Variants in NFRKB observed in about 807,000 individuals in gnomAD.
The protein encoded by NFRKB is nuclear factor related to kappa-B-binding protein.
Under a neutral mutation model 135.7 loss-of-function variants are expected in NFRKB, and 62 were observed. That is an observed-to-expected ratio of 0.46 (90% confidence interval 0.37 to 0.56). NFRKB has a LOEUF of 0.56. Among genes scored for constraint, NFRKB ranks in the 20% least tolerant of loss-of-function variants. The pLI, the probability that NFRKB is intolerant of heterozygous loss-of-function variation, is 0.00. For synonymous variants in NFRKB, 678 were observed against 635.6 expected, an observed-to-expected ratio of 1.07 and a Z score of -1.00; for missense variants, 1,545 against 1,662.0, an observed-to-expected ratio of 0.93 and a Z score of 1.22.
chr11:129,889,704 GCTCAC>G (rs1949449478), intron 3 of NFRKB, among the ~76,000 whole-genome samples: 2 of 151,396 alleles, frequency 1.3e-5, no homozygotes, highest in African/African-American at 4.8e-5. Context: ...GTCAGAGAAT[GCTCAC>G]CAAAAAACGG....
intron 24 of NFRKB, among the ~76,000 whole-genome samples, chr11:129,868,010 C>CT (rs1332970357): frequency 0.011 from 1,607 of 148,302 alleles, 19 homozygotes; most frequent in African/African-American, 0.036. Flanking sequence ...AACAATTATA[C>CT]TTTTTTTTTT....
chr11:129,881,933 A>C, intron 11 of NFRKB, 80 bp from the exon 12 acceptor site: 1 of 1,530,622 alleles, frequency 6.5e-7, no homozygotes, highest in Non-Finnish European at 8.8e-7. Context: ...CACAACCTGC[A>C]GTATATGCAT....
rs545831875 is a variant in NFRKB at position 129,877,822 on chromosome 11, G to A, written c.1512-437C>T. ...GCAAAAGTTCTGCCACACTTAGACC[G>A]GGCCTCTGTCCTGGTGTCAGAAAAC... On this transcript the variant is annotated intron_variant, in intron 15 of 26. Coordinates refer to ENST00000682444, the MANE Select transcript of NFRKB (RefSeq NM_001143835.2). Among the ~76,000 whole-genome samples, 8 of 152,240 alleles carry A rather than the reference G, an allele frequency of 5.3e-5. No individual in the cohort carries two copies. In the East Asian group the frequency reaches 7.7e-4, roughly 15 times the overall value.
At position 129,882,272 on chromosome 11, in the gene NFRKB, T is replaced by C. The variant is rs2135663597; in HGVS notation, c.1083-78A>G. The stretch of plus-strand genomic sequence containing the variant: ...GATTGATTCAGGCGCCCAAGCCTCC[T>C]AGCAGTCATAAAAGAGTTCAAGAAA... On this transcript the variant is annotated intron_variant, in intron 10 of 26. Coordinates refer to ENST00000682444, the MANE Select transcript of NFRKB (RefSeq NM_001143835.2). 4 of 1,391,070 alleles carry C rather than the reference T, an allele frequency of 2.9e-6. No individual in the cohort carries two copies. In the East Asian group the frequency reaches 9.1e-5, roughly 32 times the overall value. The allele number at this position is 1,391,070 out of a possible 1,614,324, so 86.2% of individuals were successfully genotyped here.
chr11:129,865,849 G>GGTT (rs1948164183), intron 25 of NFRKB, 28 bp downstream of exon 25: 2 of 1,606,898 alleles, frequency 1.2e-6, no homozygotes, highest in Non-Finnish European at 1.7e-6. Context: ...CCCCCGAATT[G>GGTT]GTTCCTTTAC....
Position 129,870,275 on chromosome 11 carries a change from A to C in NFRKB, c.2764-14T>G, listed in dbSNP as rs1948438941. On this transcript the variant is annotated splice_polypyrimidine_tract_variant and intron_variant, in intron 23 of 26. Transcript: ENST00000682444. ...AGTGATTGCCACCTGAATGGGGAGAAGCAGCACTGATGAGGGATTCACAAT... is the reference window on the plus strand; with the variant it reads ...AGTGATTGCCACCTGAATGGGGAGACGCAGCACTGATGAGGGATTCACAAT... The C allele has an allele frequency of 1.2e-6, 2 of 1,607,846 alleles. No individual in the cohort carries two copies. Among genetic ancestry groups the C allele is most frequent in the African/African-American group, 2.7e-5 (2 of 74,868 alleles).
chr11:129,876,639 G>A, intron 17 of NFRKB, 82 bp downstream of exon 17: 2 of 1,228,858 alleles, frequency 1.6e-6, no homozygotes, highest in Non-Finnish European at 1.1e-6. Context: ...GAGGGGTAAG[G>A]AGAGGACAGA....
chr11:129,887,474 C>T (rs992417266), intron 4 of NFRKB, among the ~76,000 whole-genome samples: 1 of 152,174 alleles, frequency 6.6e-6, no homozygotes, highest in African/African-American at 2.4e-5. Context: ...TGGGAAAGAC[C>T]ACATTTCCTA....
intron 5 of NFRKB, 94 bp downstream of exon 5, chr11:129,886,223 G>A (rs574650058): frequency 3.9e-5 from 56 of 1,425,792 alleles, no homozygotes; most frequent in African/African-American, 5.7e-5. Context: ...TTTTTTCTTC[G>A]TGGCAATTTT....
chr11:129,875,351 TCCTA>T lies in NFRKB; in HGVS notation c.1854+2_1854+5del. Reference sequence around the variant, plus strand: ...CAAAGCAAAAGTAATCTCTTCTCCGTCCTACCTGAGTGCTGGTGACATCTGGTGC... The same window carrying T: ...CAAAGCAAAAGTAATCTCTTCTCCGTCCTGAGTGCTGGTGACATCTGGTGC... On this transcript the variant is annotated splice_donor_variant and splice_donor_5th_base_variant and intron_variant, in intron 18 of 26. Transcript: ENST00000682444. LOFTEE classifies it high-confidence loss of function. 1.2e-6 allele frequency: 2 copies of T among 1,605,170 alleles called. No individual in the cohort carries two copies. The highest frequency in any genetic ancestry group is 8.5e-7 in the Non-Finnish European group (1 of 1,173,892).
At chr11:129,888,547 G>A in intron 4 of NFRKB, 47 bp downstream of exon 4, 1 of 1,514,072 alleles carries the variant, frequency 6.6e-7, no homozygotes, top group Non-Finnish European at 9.2e-7. Context: ...AAGTGAACGT[G>A]TGCCCATCCA....
rs1949236243 is a variant in NFRKB at position 129,885,573 on chromosome 11, G to A, written c.502C>T (p.Leu168Phe). 1.2e-6 allele frequency: 2 copies of A among 1,613,410 alleles called. No homozygotes were observed. The highest frequency in any genetic ancestry group is 1.7e-5 in the Admixed American group (1 of 59,980). The change falls in exon 6 of 27, where the codon CTT (leucine) becomes TTT (phenylalanine). Residue 168 changes from leucine to phenylalanine, a missense_variant. This residue lies in a region of NFRKB where 678 missense variants were observed against 646.7 expected (regional missense o/e 1.05). Coordinates refer to ENST00000682444, the MANE Select transcript of NFRKB (RefSeq NM_001143835.2). ...LEMARRSGPA[L>F]PFRQKRPSPS... ...GAAGGGCGTTTCTGCCGGAAGGGAAGGGCGGGGCCACTCCGCCGGGCCATC... is the reference window on the plus strand; with the variant it reads ...GAAGGGCGTTTCTGCCGGAAGGGAAAGGCGGGGCCACTCCGCCGGGCCATC...
At chr11:129,882,667 A>G (rs1338446143) in intron 9 of NFRKB, 36 bp from the exon 10 acceptor site, 4 of 1,597,900 alleles carry the variant, frequency 2.5e-6, no homozygotes, top group East Asian at 4.5e-5. Flanking sequence ...ACAGAAATGT[A>G]TCTCCTACAC....
rs1948786391 is a variant in NFRKB, at chr11:129,876,773, C to T, written c.1695G>A (p.Glu565=). Residue 565 remains glutamate, a synonymous_variant, in exon 17 of 27, where the codon GAG becomes GAA. Coordinates refer to ENST00000682444, the MANE Select transcript of NFRKB (RefSeq NM_001143835.2). The part of the protein sequence containing the change: ...DKETSLNKAR[E]HSLLRSDRPA... Reference sequence around the variant, plus strand: ...GCCGGTCGGAGCGCAGCAGGGAGTGCTCCCGAGCCTTGTTGAGCGAGGTCT... The same window carrying T: ...GCCGGTCGGAGCGCAGCAGGGAGTGTTCCCGAGCCTTGTTGAGCGAGGTCT... 6.2e-7 allele frequency: 1 copy of T among 1,614,022 alleles called. No individual in the cohort carries two copies. Among genetic ancestry groups the T allele is most frequent in the African/African-American group, 1.3e-5 (1 of 74,920 alleles).
chr11:129,868,969 G>A (rs1330203881), intron 24 of NFRKB, among the ~76,000 whole-genome samples: 3 of 151,698 alleles, frequency 2.0e-5, no homozygotes, highest in South Asian at 4.1e-4. Flanking sequence ...GCAGTGAGCC[G>A]AGATCGTGCC....
chr11:129,881,858 G>A lies in NFRKB; in HGVS notation c.1192-5C>T, dbSNP rs767261461. 6.3e-7 allele frequency: 1 copy of A among 1,594,238 alleles called. No individual in the cohort carries two copies. Among genetic ancestry groups the A allele is most frequent in the South Asian group, 1.1e-5 (1 of 87,416 alleles). ...ATCCAAAACTCGCTCCTCTAGCTGA[G>A]GGAAAGCAAAGGCAGAACCCAGTCA... is the stretch of plus-strand genomic sequence containing the variant. On this transcript the variant is annotated splice_polypyrimidine_tract_variant and splice_region_variant and intron_variant, in intron 11 of 26. Coordinates refer to ENST00000682444, the MANE Select transcript of NFRKB (RefSeq NM_001143835.2).
At chr11:129,865,834 C>T (rs2135630638) in intron 25 of NFRKB, 43 bp downstream of exon 25, 5 of 1,590,946 alleles carry the variant, frequency 3.1e-6, no homozygotes, top group Non-Finnish European at 4.3e-6. Flanking sequence ...TGCCTGCCAC[C>T]TCCACCCCCG....
At position 129,881,844 on chromosome 11, in the gene NFRKB, G is replaced by T; in HGVS notation, c.1201C>A (p.Arg401=). ...GGCGATGACTGCCAATCCAAAACTC[G>T]CTCCTCTAGCTGAGGGAAAGCAAAG... ...SQASLPMLEE[R]VLDWQSSPAS... is the part of the protein sequence containing the mutation. Residue 401 remains arginine, a synonymous_variant, in exon 12 of 27, where the codon CGA becomes AGA. Transcript: ENST00000682444. 1.9e-6 allele frequency: 3 copies of T among 1,604,290 alleles called. No homozygotes were observed. The highest frequency in any genetic ancestry group is 2.6e-6 in the Non-Finnish European group (3 of 1,176,064).
chr11:129,869,981 T>C lies in NFRKB; in HGVS notation c.3044A>G (p.Asn1015Ser). The change falls in exon 24 of 27, where the codon AAT (asparagine) becomes AGT (serine). Residue 1015 changes from asparagine to serine, a missense_variant. By Grantham distance (46) the Asn-to-Ser change is conservative. Transcript: ENST00000682444. ...GISATLHVTS[N>S]PVHAADSPAK... is the part of the protein sequence containing the mutation. ...AGGGCTATCAGCTGCATGTACTGGA[T>C]TGGAAGTGACGTGTAAGGTGGCAGA... 1 of 1,614,186 alleles carries C rather than the reference T, an allele frequency of 6.2e-7. No individual in the cohort carries two copies. The highest frequency in any genetic ancestry group is 8.5e-7 in the Non-Finnish European group (1 of 1,180,026).
Sources: allele counts gnomAD v4.1 joint callset (sites outside exome capture counted in the v4.1 genomes callset), GRCh38; gene constraint gnomAD v4.1.1; regional missense constraint gnomAD v4.1.1; transcripts MANE v1.5; gene names NCBI Gene and HGNC (gene_info 2026-07-23, HGNC 2026-07-21).